SLC1A2: variants seen among roughly 807,000 people sequenced by gnomAD.
SLC1A2 encodes solute carrier family 1 member 2.
In SLC1A2, 15 loss-of-function variants were observed where a neutral mutation model predicts 48.8. The ratio of observed to expected loss-of-function variants is 0.31; its 90% confidence interval spans 0.21 to 0.47. The LOEUF (loss-of-function observed/expected upper bound fraction) is 0.47. Ranked by LOEUF, SLC1A2 falls within the 20% of genes least tolerant of loss-of-function variation. SLC1A2 has a pLI of 0.99. For synonymous variants in SLC1A2, 279 were observed against 272.6 expected, an observed-to-expected ratio of 1.02 and a Z score of -0.23; for missense variants, 502 against 730.5, an observed-to-expected ratio of 0.69 and a Z score of 3.61.
chr11:35,366,371 C>T (rs976395283), intron 1 of SLC1A2, among the ~76,000 whole-genome samples: 1 of 152,172 alleles, frequency 6.6e-6, no homozygotes, highest in Non-Finnish European at 1.5e-5. Flanking sequence ...TTCTCGGAAG[C>T]TAGAAGGCTA....
chr11:35,296,053 T>C (rs75035917), intron 6 of SLC1A2, among the ~76,000 whole-genome samples: 3,911 of 152,306 alleles, frequency 0.026, 77 homozygotes, highest in Non-Finnish European at 0.04. Context: ...AAACCAGTAT[T>C]TCAAGAAACA....
chr11:35,409,942 C>G (rs1480130987), intron 1 of SLC1A2, among the ~76,000 whole-genome samples: 2 of 151,864 alleles, frequency 1.3e-5, no homozygotes, highest in Non-Finnish European at 2.9e-5. Flanking sequence ...AATAAATAAA[C>G]CTAAGGAAGA....
intron 1 of SLC1A2, among the ~76,000 whole-genome samples, chr11:35,389,231 T>G (rs1379870246): frequency 6.6e-6 from 1 of 152,124 alleles, no homozygotes; most frequent in Non-Finnish European, 1.5e-5. Context: ...TTTCATATAT[T>G]CAAATATTCC....
At chr11:35,277,057 C>A (rs1264877356) in intron 9 of SLC1A2, among the ~76,000 whole-genome samples, 3 of 152,118 alleles carry the variant, frequency 2.0e-5, no homozygotes, top group Non-Finnish European at 4.4e-5. Context: ...TGAATTCACC[C>A]TTTTATAATG....
chr11:35,381,445 A>G (rs1854419801), intron 1 of SLC1A2, among the ~76,000 whole-genome samples: 1 of 152,168 alleles, frequency 6.6e-6, no homozygotes, highest in Non-Finnish European at 1.5e-5. Context: ...GGAGAGTAGC[A>G]AAGTCTAGAT....
At chr11:35,363,615 A>T (rs534130032) in intron 1 of SLC1A2, among the ~76,000 whole-genome samples, 2 of 152,156 alleles carry the variant, frequency 1.3e-5, no homozygotes, top group Admixed American at 1.3e-4. Flanking sequence ...ACTTTCTGTC[A>T]GCCAGTTGCT....
At chr11:35,376,652 T>C (rs984133253) in intron 1 of SLC1A2, among the ~76,000 whole-genome samples, 1 of 152,258 alleles carries the variant, frequency 6.6e-6, no homozygotes, top group Non-Finnish European at 1.5e-5. Flanking sequence ...TTTCCACTTA[T>C]GTATGTGAAT....
intron 1 of SLC1A2, among the ~76,000 whole-genome samples, chr11:35,416,586 C>A (rs1855609275): frequency 6.6e-6 from 1 of 152,152 alleles, no homozygotes. Context: ...AAATGTGAAC[C>A]AGAATGGTCA....
At chr11:35,285,878 G>C (rs1291266811) in intron 8 of SLC1A2, 1 of 152,226 alleles carries the variant, frequency 6.6e-6, no homozygotes, top group Non-Finnish European at 1.5e-5. Flanking sequence ...TTGAGACTGA[G>C]AGTAGGGATA....
intron 1 of SLC1A2, among the ~76,000 whole-genome samples, chr11:35,323,562 T>C (rs1481894763): frequency 6.6e-6 from 1 of 152,162 alleles, no homozygotes; most frequent in Non-Finnish European, 1.5e-5. Flanking sequence ...ATTCTCCAGG[T>C]AGGGAAAAGG....
At chr11:35,276,593 T>C (rs1850449215) in intron 9 of SLC1A2, among the ~76,000 whole-genome samples, 1 of 152,180 alleles carries the variant, frequency 6.6e-6, no homozygotes, top group Non-Finnish European at 1.5e-5. Context: ...TCCTGTTTCA[T>C]TTGCTAACAT....
At chr11:35,308,950 TGA>T (rs1181517464) in intron 4 of SLC1A2, among the ~76,000 whole-genome samples, 2 of 152,222 alleles carry the variant, frequency 1.3e-5, no homozygotes, top group Non-Finnish European at 2.9e-5. Flanking sequence ...ATGCCTGAGC[TGA>T]GTTTACCTTC....
At chr11:35,275,047 G>T (rs990419753) in intron 9 of SLC1A2, among the ~76,000 whole-genome samples, 2 of 152,162 alleles carry the variant, frequency 1.3e-5, no homozygotes, top group Non-Finnish European at 2.9e-5. Flanking sequence ...AATCACCTGG[G>T]AACTTGCTAG....
At chr11:35,385,277 G>C (rs1565293516) in intron 1 of SLC1A2, among the ~76,000 whole-genome samples, 1 of 152,170 alleles carries the variant, frequency 6.6e-6, no homozygotes, top group African/African-American at 2.4e-5. Context: ...TAGAAGAGAG[G>C]TAACAGCTGT....
At chr11:35,396,045 A>G (rs1854947651) in intron 1 of SLC1A2, among the ~76,000 whole-genome samples, 1 of 144,390 alleles carries the variant, frequency 6.9e-6, no homozygotes, top group Admixed American at 6.7e-5. Context: ...CATGTTGTAT[A>G]TGTGCCACAT....
intron 1 of SLC1A2, among the ~76,000 whole-genome samples, chr11:35,417,465 G>T (rs1855642533): frequency 6.6e-6 from 1 of 152,158 alleles, no homozygotes; most frequent in Non-Finnish European, 1.5e-5. Flanking sequence ...GTCCATGAAG[G>T]CAACCAGAAA....
intron 8 of SLC1A2, chr11:35,285,454 A>G (rs376961828): frequency 6.6e-6 from 1 of 152,208 alleles, no homozygotes; most frequent in Non-Finnish European, 1.5e-5. Flanking sequence ...TACCTCATTC[A>G]TTTCCTAAAG....
chr11:35,353,271 T>G (rs891286740), intron 1 of SLC1A2, among the ~76,000 whole-genome samples: 1 of 152,198 alleles, frequency 6.6e-6, no homozygotes, highest in Non-Finnish European at 1.5e-5. Flanking sequence ...CTCTTTGCTC[T>G]TAAGGTTTCC....
chr11:35,340,345 G>A (rs910953998), intron 1 of SLC1A2, among the ~76,000 whole-genome samples: 1 of 152,184 alleles, frequency 6.6e-6, no homozygotes, highest in African/African-American at 2.4e-5. Context: ...GAGATAAAAG[G>A]GCTGTCCACA....
Sources: allele counts gnomAD v4.1 joint callset (sites outside exome capture counted in the v4.1 genomes callset), GRCh38; gene constraint gnomAD v4.1.1; transcripts MANE v1.5; gene names NCBI Gene and HGNC (gene_info 2026-07-23, HGNC 2026-07-21).